The following LRBA variants were observed in gnomAD, a reference collection of about 807,000 sequenced individuals.
LRBA encodes the protein lipopolysaccharide-responsive and beige-like anchor protein.
LRBA carries 176 observed loss-of-function variants against 330.0 expected under a neutral mutation model. The ratio of observed to expected loss-of-function variants is 0.53; its 90% confidence interval spans 0.47 to 0.60. The LOEUF (loss-of-function observed/expected upper bound fraction) is 0.60. LRBA is among the 20% of genes least tolerant of loss of function. The probability of loss-of-function intolerance (pLI) is 0.00; values close to 1 mark genes in which losing one functional copy is unlikely to be tolerated. For synonymous variants in LRBA, 1,230 were observed against 1,193.0 expected, an observed-to-expected ratio of 1.03 and a Z score of -0.64; for missense variants, 3,259 against 3,444.8, an observed-to-expected ratio of 0.95 and a Z score of 1.35.
rs780513482 is a variant in LRBA at position 150,844,774 on chromosome 4, C to A, written c.4345G>T (p.Ala1449Ser). The A allele has an allele frequency of 4.1e-5, 66 of 1,609,092 alleles. No individual in the cohort carries two copies. The highest frequency in any genetic ancestry group is 5.5e-5 in the Non-Finnish European group (65 of 1,178,124). The change falls in exon 27 of 57, where the codon GCA (alanine) becomes TCA (serine). Residue 1449 changes from alanine (A) to serine (S), a missense_variant. Physicochemically the swap from Ala to Ser is moderately conservative, Grantham distance 99. Transcript: ENST00000651943. ...ILRQCLRLVC[A>S]VAVRNCLECQ... is the part of the protein sequence containing the mutation. ...TCCAAGCAATTCCTTACTGCGACTGCACAAACTGTAATTTATTTTAAGGAA... is the reference window on the plus strand; with the variant it reads ...TCCAAGCAATTCCTTACTGCGACTGAACAAACTGTAATTTATTTTAAGGAA...
In LRBA at chr4:150,683,726, G is replaced by GA. The variant is rs772027194; in HGVS notation, c.5755-10dup. 1.0e-3 allele frequency: 1,555 copies of GA among 1,487,614 alleles called. No individual in the cohort carries two copies. The highest frequency in any genetic ancestry group is 1.7e-3 in the South Asian group (119 of 71,896). 92.2% of individuals were successfully genotyped at this position (1,487,614 alleles called of 1,614,324 possible). Reference sequence around the variant, plus strand: ...TACTGGGCACACAGTGACTTGGAGAGAAAAAAAAATAATACTATAAAAAAT... The same window carrying GA: ...TACTGGGCACACAGTGACTTGGAGAGAAAAAAAAAATAATACTATAAAAAAT... On this transcript the variant is annotated splice_polypyrimidine_tract_variant and intron_variant, in intron 36 of 56. Coordinates refer to ENST00000651943, the MANE Select transcript of LRBA (RefSeq NM_001364905.1).
At chr4:150,636,473 A>G (rs1465900963) in intron 37 of LRBA, among the ~76,000 whole-genome samples, 1 of 152,140 alleles carries the variant, frequency 6.6e-6, no homozygotes, top group Non-Finnish European at 1.5e-5. Context: ...TTCTAGCACA[A>G]AAAGGTGCTA....
chr4:150,890,187 A>G (rs575479443), intron 17 of LRBA, among the ~76,000 whole-genome samples: 35 of 152,336 alleles, frequency 2.3e-4, no homozygotes, highest in African/African-American at 8.2e-4. Context: ...TGACAGGAAG[A>G]GTTGTAAAAA....
intron 38 of LRBA, among the ~76,000 whole-genome samples, chr4:150,592,144 GTTT>G (rs10685627): frequency 7.7e-5 from 5 of 65,190 alleles, no homozygotes; most frequent in East Asian, 1.3e-3. Flanking sequence ...GATGGCTAGG[GTTT>G]TTTTTTTTTT....
At chr4:150,677,009 C>T (rs548220252) in intron 37 of LRBA, among the ~76,000 whole-genome samples, 136 of 152,190 alleles carry the variant, frequency 8.9e-4, no homozygotes, top group African/African-American at 3.0e-3. Flanking sequence ...TAGTTTACAA[C>T]TAGTTATGAT....
At chr4:150,888,311 G>A (rs1729153991) in intron 17 of LRBA, among the ~76,000 whole-genome samples, 1 of 152,094 alleles carries the variant, frequency 6.6e-6, no homozygotes, top group Non-Finnish European at 1.5e-5. Flanking sequence ...TTCTTCTAAA[G>A]GAAGTTCTTC....
chr4:150,542,525 A>T (rs1050593146), intron 40 of LRBA, among the ~76,000 whole-genome samples: 25 of 152,244 alleles, frequency 1.6e-4, no homozygotes, highest in Non-Finnish European at 2.9e-5. Flanking sequence ...GGTTATGACC[A>T]AATCAGACAT....
intron 38 of LRBA, among the ~76,000 whole-genome samples, chr4:150,592,281 T>C (rs1772980549): frequency 1.3e-5 from 2 of 150,210 alleles, no homozygotes; most frequent in African/African-American, 4.9e-5. Flanking sequence ...TTATTCTACA[T>C]AGTTAACCTG....
chr4:151,008,420 C>T (rs1744377964), intron 2 of LRBA, among the ~76,000 whole-genome samples: 1 of 151,990 alleles, frequency 6.6e-6, no homozygotes, highest in African/African-American at 2.4e-5. Flanking sequence ...ATACAGTTGT[C>T]CCTTGCTATA....
chr4:150,482,755 A>G (rs1757428315), intron 42 of LRBA, among the ~76,000 whole-genome samples: 2 of 152,118 alleles, frequency 1.3e-5, no homozygotes, highest in Non-Finnish European at 1.5e-5. Context: ...CTGTTGTTTT[A>G]ATCAGCATTT....
rs371016717 is a variant in LRBA, at chr4:150,812,723, T to G, written c.5306-4325A>C. On this transcript the variant is annotated intron_variant, in intron 31 of 56. Transcript: ENST00000651943. ...ATATGGCTCTGATAAACAGATACTGTCTAATATTCTAGTAAGTGGTAGAAT... is the reference window on the plus strand; with the variant it reads ...ATATGGCTCTGATAAACAGATACTGGCTAATATTCTAGTAAGTGGTAGAAT... Among the ~76,000 whole-genome samples the G allele has an allele frequency of 4.1e-4, 63 of 152,318 alleles. 1 individual carries two copies. The East Asian group carries it at 0.011, about 27-fold the overall frequency.
intron 2 of LRBA, among the ~76,000 whole-genome samples, chr4:150,955,964 CA>C (rs996990077): frequency 1.4e-5 from 2 of 147,976 alleles, no homozygotes; most frequent in African/African-American, 5.3e-5. Flanking sequence ...CTAAAGCAAG[CA>C]AAAGGAATAA....
chr4:150,840,896 C>A, intron 28 of LRBA: 1 of 1,057,210 alleles, frequency 9.5e-7, no homozygotes, highest in Non-Finnish European at 1.2e-6. Context: ...ATTGTTAATA[C>A]TTAATGTCAA....
chr4:150,450,417 G>C (rs1484029857), intron 44 of LRBA, among the ~76,000 whole-genome samples: 1 of 152,134 alleles, frequency 6.6e-6, no homozygotes, highest in Non-Finnish European at 1.5e-5. Flanking sequence ...ATCTTTCCTT[G>C]CCTCTTCCAG....
intron 47 of LRBA, among the ~76,000 whole-genome samples, chr4:150,377,970 C>CAA (rs5862918): frequency 0.055 from 7,200 of 130,820 alleles, 308 homozygotes; most frequent in East Asian, 0.17. Flanking sequence ...GACTCTGTCT[C>CAA]AAAAAAAAAA....
intron 48 of LRBA, among the ~76,000 whole-genome samples, chr4:150,346,757 C>CCAAAAAAAAAAAAAAAAAAAAAA (rs1206950764): frequency 6.0e-5 from 4 of 66,134 alleles, no homozygotes; most frequent in African/African-American, 3.1e-4. Context: ...GACTCTGTCT[C>CCAAAAAAAAAAAAAAAAAAAAAA]AAAAAAAAAA....
chr4:150,945,181 GA>G (rs1360522839), intron 2 of LRBA, among the ~76,000 whole-genome samples: 1 of 151,490 alleles, frequency 6.6e-6, no homozygotes, highest in African/African-American at 2.4e-5. Context: ...AGAGTTCAAG[GA>G]AAAAAAGGCA....
At chr4:150,350,656 A>G (rs1737025926) in intron 47 of LRBA, among the ~76,000 whole-genome samples, 1 of 151,934 alleles carries the variant, frequency 6.6e-6, no homozygotes, top group African/African-American at 2.4e-5. Context: ...GCTTTCCGGC[A>G]CTTGGCATAA....
At chr4:150,540,469 A>C (rs1765199494) in intron 40 of LRBA, among the ~76,000 whole-genome samples, 1 of 152,210 alleles carries the variant, frequency 6.6e-6, no homozygotes, top group Non-Finnish European at 1.5e-5. Context: ...TGCTGGGTAT[A>C]CAGGCATGAG....
Sources: allele counts gnomAD v4.1 joint callset (sites outside exome capture counted in the v4.1 genomes callset), GRCh38; gene constraint gnomAD v4.1.1; transcripts MANE v1.5; gene names NCBI Gene and HGNC (gene_info 2026-07-23, HGNC 2026-07-21).